ZIC5: variants seen among roughly 807,000 people sequenced by gnomAD.
The protein encoded by ZIC5 is Zic family zinc finger 5, also known as zinc finger protein ZIC 5.
ZIC5 carries 20 observed loss-of-function variants against 28.5 expected under a neutral mutation model. The ratio of observed to expected loss-of-function variants is 0.70; its 90% CI spans 0.49 to 1.02. ZIC5 has a LOEUF of 1.02. Ranked by LOEUF, ZIC5 falls within the 50% of genes least tolerant of loss-of-function variation. ZIC5 has a pLI of 0.00. For missense variants in ZIC5, 951 were observed against 899.7 expected, an observed-to-expected ratio of 1.06 and a Z score of -0.73; for synonymous variants, 488 against 410.4, an observed-to-expected ratio of 1.19 and a Z score of -2.29.
chr13:99,966,013 T>C (rs1444663005), intron 1 of ZIC5, among the ~76,000 whole-genome samples, 194 bp from the exon 2 acceptor site: 1 of 152,186 alleles, frequency 6.6e-6, no homozygotes, highest in African/African-American at 2.4e-5. Context: ...CTGGTGGCTT[T>C]GCCTGGACCT....
rs2053079723 is a variant in ZIC5 at position 99,964,300 on chromosome 13, A to G, written c.*1077T>C. ...CTTTTTAAAAGGCTGATACAACAGT[A>G]TAAAAGAGGTGTTGGCCTGTTTTAA... On this transcript the variant is annotated 3_prime_UTR_variant, in exon 2 of 2. Transcript: ENST00000267294. 1 of 152,212 alleles carries G rather than the reference A, an allele frequency of 6.6e-6. No homozygotes were observed. Among genetic ancestry groups the G allele is most frequent in the South Asian group, 2.1e-4 (1 of 4,826 alleles). 9.4% of individuals were successfully genotyped at this position (152,212 alleles called of 1,614,324 possible). A position where few individuals can be genotyped will look rare whatever the true frequency, so the allele number is the denominator to read the frequency against.
intron 1 of ZIC5, among the ~76,000 whole-genome samples, chr13:99,969,155 G>A (rs1241199767): frequency 6.6e-6 from 1 of 152,228 alleles, no homozygotes; most frequent in African/African-American, 2.4e-5. Flanking sequence ...CCACCGCCTC[G>A]CGCCGCAGCC....
chr13:99,970,411 G>T lies in ZIC5; in HGVS notation c.1193C>A (p.Pro398Gln), dbSNP rs760269746. 1.7e-6 allele frequency: 2 copies of T among 1,176,544 alleles called. No individual in the cohort carries two copies. 72.9% of individuals were successfully genotyped at this position (1,176,544 alleles called of 1,614,324 possible). A position where few individuals can be genotyped will look rare whatever the true frequency, so the allele number is the denominator to read the frequency against. Residue 398 changes from proline (P) to glutamine (Q), a missense_variant, in exon 1 of 2, where the codon CCG becomes CAG. Around this residue, in one of 3 missense-constraint regions of ZIC5, gnomAD observed 784 missense variants for 660.1 expected, o/e 1.19. Coordinates refer to ENST00000267294, the MANE Select transcript of ZIC5 (RefSeq NM_033132.5). Reference sequence around the variant, plus strand: ...GGGCTTGGCGCCGCCGGCCGGGGGCGGTGGCGGCGGCGGCGGCGGCGGCGG... The same window carrying T: ...GGGCTTGGCGCCGCCGGCCGGGGGCTGTGGCGGCGGCGGCGGCGGCGGCGG... ...PPPPPPPPPP[P>Q]PPAGGAKPCS...
chr13:99,969,216 G>A (rs1375648790), intron 1 of ZIC5, among the ~76,000 whole-genome samples: 2 of 152,168 alleles, frequency 1.3e-5, no homozygotes, highest in African/African-American at 4.8e-5. Flanking sequence ...AGGTGGGGTG[G>A]GAGGGTCCCC....
Position 99,965,260 on chromosome 13 carries a change from T to C in ZIC5, c.*117A>G. On this transcript the variant is annotated 3_prime_UTR_variant, in exon 2 of 2. Coordinates refer to ENST00000267294, the MANE Select transcript of ZIC5 (RefSeq NM_033132.5). Reference sequence around the variant, plus strand: ...TTCATACTGAATAAATAGGGCTAATTAGACCCGGTGGCAAGTCTGAGTCAC... The same window carrying C: ...TTCATACTGAATAAATAGGGCTAATCAGACCCGGTGGCAAGTCTGAGTCAC... The C allele has an allele frequency of 1.1e-6, 1 of 888,506 alleles. No homozygotes were observed. The highest frequency in any genetic ancestry group is 2.7e-5 in the East Asian group (1 of 37,130). The allele number at this position is 888,506 out of a possible 1,614,324, so 55.0% of individuals were successfully genotyped here.
rs951790960 is a variant in ZIC5, at chr13:99,971,459, C to G, written c.145G>C (p.Ala49Pro). The G allele has an allele frequency of 3.2e-6, 5 of 1,547,164 alleles. No homozygotes were observed. The Admixed American group carries it at 7.9e-5, about 24-fold the overall frequency. ...PAHSQLRAAV[A>P]HLRLRDLGAD... ...CCCAGGTCCCGCAGGCGGAGGTGCG[C>G]GACGGCGGCCCGGAGTTGGGAGTGG... The change falls in exon 1 of 2, where the codon GCG (alanine) becomes CCG (proline). Residue 49 changes from alanine (A) to proline (P), a missense_variant. Physicochemically the swap from Ala to Pro is conservative, Grantham distance 27 (BLOSUM62 -1). Around this residue, in one of 3 missense-constraint regions of ZIC5, gnomAD observed 784 missense variants for 660.1 expected, o/e 1.19. Coordinates refer to ENST00000267294, the MANE Select transcript of ZIC5 (RefSeq NM_033132.5).
chr13:99,970,987 T>C lies in ZIC5; in HGVS notation c.617A>G (p.His206Arg), dbSNP rs898797540. ...GGCCGAGTGGGGAGGCGGGGCCGGG[T>C]GCTGGGGGGAGCCGGTGCCGGACCG... ...EQRSGTGSPQHPAPPPHSAGM... is the reference protein window; with the variant it reads ...EQRSGTGSPQRPAPPPHSAGM... Residue 206 changes from histidine (H) to arginine (R), a missense_variant, in exon 1 of 2, where the codon CAC becomes CGC. His to Arg is a conservative substitution (Grantham distance 29). Coordinates refer to ENST00000267294, the MANE Select transcript of ZIC5 (RefSeq NM_033132.5). 9.3e-6 allele frequency: 13 copies of C among 1,401,934 alleles called. No homozygotes were observed. Among genetic ancestry groups the C allele is most frequent in the Non-Finnish European group, 1.2e-5 (13 of 1,090,588 alleles). 86.8% of individuals were successfully genotyped at this position (1,401,934 alleles called of 1,614,324 possible). A position where few individuals can be genotyped will look rare whatever the true frequency, so the allele number is the denominator to read the frequency against.
Position 99,970,783 on chromosome 13 carries a change from C to T in ZIC5, c.821G>A (p.Gly274Asp). Residue 274 changes from glycine to aspartate, a missense_variant, in exon 1 of 2, where the codon GGC becomes GAC. Physicochemically the swap from Gly to Asp is moderately conservative, Grantham distance 94 (BLOSUM62 -1). This residue lies in a region of ZIC5 where 784 missense variants were observed against 660.1 expected (regional missense o/e 1.19). Coordinates refer to ENST00000267294, the MANE Select transcript of ZIC5 (RefSeq NM_033132.5). ...CGGCGCGAAGGGCGGTTCGGCGCGG[C>T]CGTACAGCTCAGCCGCCGCGGCTGC... ...AAAAAAAELY[G>D]RAEPPFAPRS... 8.4e-7 allele frequency: 1 copy of T among 1,189,556 alleles called. No individual in the cohort carries two copies. Among genetic ancestry groups the T allele is most frequent in the Non-Finnish European group, 1.0e-6 (1 of 964,354 alleles). The allele number at this position is 1,189,556 out of a possible 1,614,324, so 73.7% of individuals were successfully genotyped here.
At chr13:99,969,498 C>T (rs1003607899) in intron 1 of ZIC5, among the ~76,000 whole-genome samples, 2 of 151,376 alleles carry the variant, frequency 1.3e-5, no homozygotes, top group African/African-American at 4.9e-5. Context: ...AGAAGGTGTG[C>T]GTGAAGAGTG....
rs1165935492 is a variant in ZIC5, at chr13:99,965,361, T to C, written c.*16A>G. 1 of 1,601,294 alleles carries C rather than the reference T, an allele frequency of 6.2e-7. No homozygotes were observed. The highest frequency in any genetic ancestry group is 8.5e-7 in the Non-Finnish European group (1 of 1,174,144). On this transcript the variant is annotated 3_prime_UTR_variant, in exon 2 of 2. Transcript: ENST00000267294. ...CTCCCACTTATTATTTCACTTATTATTATTAATAATAAATTCTAATGTATC... is the reference window on the plus strand; with the variant it reads ...CTCCCACTTATTATTTCACTTATTACTATTAATAATAAATTCTAATGTATC...
rs2053151857 is a variant in ZIC5, at chr13:99,970,993, G to C, written c.611C>G (p.Pro204Arg). 3 of 1,406,480 alleles carry C rather than the reference G, an allele frequency of 2.1e-6. No individual in the cohort carries two copies. Among genetic ancestry groups the C allele is most frequent in the Non-Finnish European group, 2.7e-6 (3 of 1,093,036 alleles). 87.1% of individuals were successfully genotyped at this position (1,406,480 alleles called of 1,614,324 possible). The change falls in exon 1 of 2, where the codon CCC becomes CGC. Residue 204 changes from proline to arginine, a missense_variant. Pro to Arg is a moderately radical substitution (Grantham distance 103). Coordinates refer to ENST00000267294, the MANE Select transcript of ZIC5 (RefSeq NM_033132.5). ...GGEQRSGTGSPQHPAPPPHSA... is the reference protein window; with the variant it reads ...GGEQRSGTGSRQHPAPPPHSA... ...GTGGGGAGGCGGGGCCGGGTGCTGG[G>C]GGGAGCCGGTGCCGGACCGCTGCTC...
rs963938961 is a variant in ZIC5 at position 99,968,434 on chromosome 13, GC to G, written c.1477+1692del. ...CCCCTCGCCGCCTGGGGTCCCCCGC[GC>G]CCCCCCCGACCCCACGCACGCGCGC... On this transcript the variant is annotated intron_variant, in intron 1 of 1. Transcript: ENST00000267294. 1.3e-4 allele frequency among the ~76,000 whole-genome samples: 19 copies of G among 151,590 alleles called. No individual in the cohort carries two copies. In the East Asian group the frequency reaches 2.2e-3, roughly 17 times the overall value.
At position 99,970,286 on chromosome 13, in the gene ZIC5, C is replaced by T. The variant is rs1428938585; in HGVS notation, c.1318G>A (p.Asp440Asn). 1.2e-6 allele frequency: 2 copies of T among 1,613,682 alleles called. No individual in the cohort carries two copies. The highest frequency in any genetic ancestry group is 2.7e-5 in the African/African-American group (2 of 74,858). ...EQSSHVCFWE[D>N]CPREGKPFKA... The stretch of plus-strand genomic sequence containing the variant: ...AAGGGCTTGCCCTCGCGCGGACAGT[C>T]CTCCCAGAAGCAGACGTGGCTGCTC... The change falls in exon 1 of 2, where the codon GAC becomes AAC. Residue 440 changes from aspartate (D) to asparagine (N), a missense_variant. Transcript: ENST00000267294.
Position 99,971,709 on chromosome 13 carries a change from C to G in ZIC5, c.-106G>C, listed in dbSNP as rs11619492. ...TGGGCGCTCTTTAACTTCTTTTGTCCTGGCCTCTTAACTCTGCTTATTCCT... is the reference window on the plus strand; with the variant it reads ...TGGGCGCTCTTTAACTTCTTTTGTCGTGGCCTCTTAACTCTGCTTATTCCT... On this transcript the variant is annotated 5_prime_UTR_variant, in exon 1 of 2. Coordinates refer to ENST00000267294, the MANE Select transcript of ZIC5 (RefSeq NM_033132.5). 49,025 of 1,550,492 alleles carry G rather than the reference C, an allele frequency of 0.032. 927 individuals carry two copies. The highest frequency in any genetic ancestry group is 0.05 in the South Asian group (4,243 of 84,042).
chr13:99,971,321 C>G lies in ZIC5; in HGVS notation c.283G>C (p.Ala95Pro). 7.3e-7 allele frequency: 1 copy of G among 1,375,094 alleles called. No homozygotes were observed. Among genetic ancestry groups the G allele is most frequent in the South Asian group, 1.7e-5 (1 of 57,974 alleles). 85.2% of individuals were successfully genotyped at this position (1,375,094 alleles called of 1,614,324 possible). A position where few individuals can be genotyped will look rare whatever the true frequency, so the allele number is the denominator to read the frequency against. ...QAFPAHPEAP[A>P]AAARAAALVA... ...AAGGCTGCAGCACGGGCGGCGGCTG[C>G]CGGAGCCTCCGGGTGTGCCGGGAAC... Residue 95 changes from alanine (A) to proline (P), a missense_variant, in exon 1 of 2, where the codon GCA becomes CCA. Ala to Pro is a conservative substitution (Grantham distance 27, BLOSUM62 -1). Around this residue, in one of 3 missense-constraint regions of ZIC5, gnomAD observed 784 missense variants for 660.1 expected, o/e 1.19. Coordinates refer to ENST00000267294, the MANE Select transcript of ZIC5 (RefSeq NM_033132.5).
At position 99,971,154 on chromosome 13, in the gene ZIC5, G is replaced by A; in HGVS notation, c.450C>T (p.Ala150=). 4 of 1,378,174 alleles carry A rather than the reference G, an allele frequency of 2.9e-6. No homozygotes were observed. Among genetic ancestry groups the A allele is most frequent in the Non-Finnish European group, 3.7e-6 (4 of 1,074,396 alleles). 85.4% of individuals were successfully genotyped at this position (1,378,174 alleles called of 1,614,324 possible). A position where few individuals can be genotyped will look rare whatever the true frequency, so the allele number is the denominator to read the frequency against. The change falls in exon 1 of 2, where the codon GCC becomes GCT. Residue 150 remains alanine (A), a synonymous_variant. Coordinates refer to ENST00000267294, the MANE Select transcript of ZIC5 (RefSeq NM_033132.5). The part of the protein sequence containing the change: ...PPPPPPPPPP[A]LSGYTTTNSG... ...TGTTGGTGGTGGTGTAGCCCGAGAG[G>A]GCAGGAGGAGGAGGAGGCGGGGGAG...
rs747369730 is a variant in ZIC5, at chr13:99,970,962, G to C, written c.642C>G (p.Ala214=). 21 of 1,398,756 alleles carry C rather than the reference G, an allele frequency of 1.5e-5. No homozygotes were observed. The highest frequency in any genetic ancestry group is 1.9e-5 in the Non-Finnish European group (21 of 1,088,148). 86.6% of individuals were successfully genotyped at this position (1,398,756 alleles called of 1,614,324 possible). ...PQHPAPPPHS[A]GMFISASGTY... ...TGCCGCTGGCGGAGATGAACATGCC[G>C]GCCGAGTGGGGAGGCGGGGCCGGGT... The change falls in exon 1 of 2, where the codon GCC becomes GCG. Residue 214 remains alanine, a synonymous_variant. Transcript: ENST00000267294.
Position 99,970,927 on chromosome 13 carries a change from C to T in ZIC5, c.677G>A (p.Gly226Asp), listed in dbSNP as rs1266215027. The T allele has an allele frequency of 1.4e-6, 2 of 1,384,854 alleles. No individual in the cohort carries two copies. The highest frequency in any genetic ancestry group is 1.5e-5 in the African/African-American group (1 of 64,978). 85.8% of individuals were successfully genotyped at this position (1,384,854 alleles called of 1,614,324 possible). A position where few individuals can be genotyped will look rare whatever the true frequency, so the allele number is the denominator to read the frequency against. Residue 226 changes from glycine (G) to aspartate (D), a missense_variant, in exon 1 of 2, where the codon GGC becomes GAC. Around this residue, in one of 3 missense-constraint regions of ZIC5, gnomAD observed 784 missense variants for 660.1 expected, o/e 1.19. Coordinates refer to ENST00000267294, the MANE Select transcript of ZIC5 (RefSeq NM_033132.5). ...MFISASGTYA[G>D]PDGSGGPALF... ...CGCCGGGCCGCCGCTGCCGTCCGGG[C>T]CCGCGTAGGTGCCGCTGGCGGAGAT...
At position 99,965,592 on chromosome 13, in the gene ZIC5, T is replaced by C; in HGVS notation, c.1705A>G (p.Thr569Ala). Residue 569 changes from threonine (T) to alanine (A), a missense_variant, in exon 2 of 2, where the codon ACT becomes GCT. Thr to Ala is a moderately conservative substitution (Grantham distance 58, BLOSUM62 0). Transcript: ENST00000267294. Reference sequence around the variant, plus strand: ...GGGGACAAGGGGGCGCCCACTGGAGTCCCCACTGATGAGTAACCAAGGGGT... The same window carrying C: ...GGGGACAAGGGGGCGCCCACTGGAGCCCCCACTGATGAGTAACCAAGGGGT... ...PGPLGYSSVGTPVGAPLSPVL... is the reference protein window; with the variant it reads ...PGPLGYSSVGAPVGAPLSPVL... The C allele has an allele frequency of 1.2e-6, 2 of 1,613,730 alleles. No homozygotes were observed. Among genetic ancestry groups the C allele is most frequent in the Non-Finnish European group, 1.7e-6 (2 of 1,179,898 alleles).
Sources: gnomAD v4.1 joint callset for allele counts (sites outside exome capture counted in the v4.1 genomes callset) on GRCh38, gnomAD v4.1.1 for gene constraint, gnomAD v4.1.1 regional missense constraint, MANE v1.5 for transcripts, NCBI Gene and HGNC (gene_info 2026-07-23, HGNC 2026-07-21) for gene names.